The following GLT1D1 variants were observed in gnomAD, a reference collection of about 807,000 sequenced individuals.
GLT1D1 encodes the protein glycosyltransferase 1 domain-containing protein 1.
In GLT1D1, 21 loss-of-function variants were observed where a neutral mutation model predicts 28.7. The ratio of observed to expected loss-of-function variants is 0.73; its 90% confidence interval spans 0.52 to 1.05. The LOEUF is 1.05. GLT1D1 is among the 50% of genes least tolerant of loss of function. GLT1D1 has a pLI of 0.00. For synonymous variants in GLT1D1, 147 were observed against 124.8 expected, an observed-to-expected ratio of 1.18 and a Z score of -1.19; for missense variants, 343 against 330.6, an observed-to-expected ratio of 1.04 and a Z score of -0.29.
rs1593171181 is a variant in GLT1D1 at position 128,945,206 on chromosome 12, T to C, written c.376-120T>C. ...CGCAGCAGCCGCGAGGACACCCCCGTGGCCGCAGACCGAGGCCCACGCCGC... is the reference window on the plus strand; with the variant it reads ...CGCAGCAGCCGCGAGGACACCCCCGCGGCCGCAGACCGAGGCCCACGCCGC... On this transcript the variant is annotated intron_variant, in intron 4 of 7. Coordinates refer to ENST00000281703, the MANE Select transcript of GLT1D1 (RefSeq NM_144669.3). 8.0e-6 allele frequency: 8 copies of C among 998,102 alleles called. No homozygotes were observed. In the East Asian group the frequency reaches 1.9e-4, roughly 24 times the overall value. 61.8% of individuals were successfully genotyped at this position (998,102 alleles called of 1,614,324 possible). A position where few individuals can be genotyped will look rare whatever the true frequency, so the allele number is the denominator to read the frequency against.
chr12:128,933,257 A>G (rs942861001), intron 4 of GLT1D1, among the ~76,000 whole-genome samples: 1 of 152,282 alleles, frequency 6.6e-6, no homozygotes, highest in African/African-American at 2.4e-5. Context: ...CAGGGTGCGG[A>G]AGCGATGCGG....
At chr12:128,901,769 A>T (rs971310754) in intron 4 of GLT1D1, among the ~76,000 whole-genome samples, 8 of 149,914 alleles carry the variant, frequency 5.3e-5, no homozygotes, top group Middle Eastern at 3.2e-3. Context: ...TTTTTTTGAG[A>T]CGGGCTCTCA....
rs191911292 is a variant in GLT1D1 at position 128,973,669 on chromosome 12, C to A, written c.640-9260C>A. ...TCTTCCCTCCCTTTTCTGCCTCTCA[C>A]CTTCTTCTTTCCTTCAAGATGCCCA... On this transcript the variant is annotated intron_variant, in intron 7 of 7. Coordinates refer to ENST00000281703, the MANE Select transcript of GLT1D1 (RefSeq NM_144669.3). 2.6e-5 allele frequency among the ~76,000 whole-genome samples: 4 copies of A among 152,152 alleles called. No individual in the cohort carries two copies. In the East Asian group the frequency reaches 5.8e-4, roughly 22 times the overall value.
At chr12:128,964,847 C>T (rs1878304969) in intron 7 of GLT1D1, among the ~76,000 whole-genome samples, 1 of 152,130 alleles carries the variant, frequency 6.6e-6, no homozygotes, top group African/African-American at 2.4e-5. Context: ...CAAGATTCCC[C>T]AGGCAGGGAA....
chr12:128,897,011 G>T lies in GLT1D1; in HGVS notation c.324-2225G>T, dbSNP rs1869725988. The stretch of plus-strand genomic sequence containing the variant: ...AAATTTCTCTTCAGAAAGAATATTT[G>T]CATTTTAATTCACCAAGTGGGTGTA... On this transcript the variant is annotated intron_variant, in intron 3 of 7. Coordinates refer to ENST00000281703, the MANE Select transcript of GLT1D1 (RefSeq NM_144669.3). Among the ~76,000 whole-genome samples, 3 of 152,238 alleles carry T rather than the reference G, an allele frequency of 2.0e-5. No homozygotes were observed. The South Asian group carries it at 6.2e-4, about 32-fold the overall frequency.
intron 7 of GLT1D1, among the ~76,000 whole-genome samples, chr12:128,960,763 T>TAA (rs113496068): frequency 0.046 from 6,781 of 147,150 alleles, 480 homozygotes; most frequent in African/African-American, 0.16. Context: ...GCTGGGTATC[T>TAA]AAAAAAAAAA....
intron 4 of GLT1D1, among the ~76,000 whole-genome samples, chr12:128,923,487 C>T (rs1872854121): frequency 6.6e-6 from 1 of 151,850 alleles, no homozygotes; most frequent in Non-Finnish European, 1.5e-5. Context: ...TTTCCTGTAT[C>T]TGCAGATGTC....
At chr12:128,950,862 T>A (rs926811605) in intron 6 of GLT1D1, among the ~76,000 whole-genome samples, 3 of 152,112 alleles carry the variant, frequency 2.0e-5, no homozygotes, top group Admixed American at 6.5e-5. Context: ...GAGAGTAGAA[T>A]GGTGTGTAGC....
At chr12:128,952,469 CT>C (rs1555218596) in intron 6 of GLT1D1, among the ~76,000 whole-genome samples, 335 of 120,614 alleles carry the variant, frequency 2.8e-3, no homozygotes, top group Non-Finnish European at 4.5e-3. Flanking sequence ...AAATTTCTTT[CT>C]TTTTTTTTTT....
chr12:128,931,917 G>GCACGCGCGCACACACACACACA (rs1368012620), intron 4 of GLT1D1, among the ~76,000 whole-genome samples: 13 of 141,104 alleles, frequency 9.2e-5, no homozygotes, highest in East Asian at 2.2e-4. Context: ...ACACACGCAC[G>GCACGCGCGCACACACACACACA]CACACACACA....
chr12:128,932,776 G>A (rs1007056137), intron 4 of GLT1D1, among the ~76,000 whole-genome samples: 2 of 151,684 alleles, frequency 1.3e-5, no homozygotes, highest in African/African-American at 4.8e-5. Context: ...AAGGCTCTGG[G>A]CACGACCCTG....
At chr12:128,936,626 G>T (rs773833160) in intron 4 of GLT1D1, among the ~76,000 whole-genome samples, 154 of 152,112 alleles carry the variant, frequency 1.0e-3, no homozygotes, top group Non-Finnish European at 1.8e-3. Context: ...ATCATATGTG[G>T]GTGCATTTTC....
intron 4 of GLT1D1, among the ~76,000 whole-genome samples, chr12:128,938,934 A>G (rs1874835553): frequency 6.6e-6 from 1 of 152,178 alleles, no homozygotes; most frequent in African/African-American, 2.4e-5. Flanking sequence ...TTGCTGTTGG[A>G]TGAGCCAGAT....
At chr12:128,888,492 C>G in intron 2 of GLT1D1, 147 bp from the exon 3 acceptor site, 1 of 609,712 alleles carries the variant, frequency 1.6e-6, no homozygotes, top group South Asian at 2.0e-5. Flanking sequence ...ATTCTGCTAT[C>G]CAGGAGAGGT....
chr12:128,953,074 G>A (rs548683669), intron 6 of GLT1D1, among the ~76,000 whole-genome samples: 1 of 151,552 alleles, frequency 6.6e-6, no homozygotes, highest in African/African-American at 2.4e-5. Flanking sequence ...GAGCCACCAC[G>A]CCTGGCCCAT....
intron 1 of GLT1D1, among the ~76,000 whole-genome samples, chr12:128,872,037 C>T (rs905219246): frequency 1.3e-4 from 20 of 152,036 alleles, no homozygotes; most frequent in Admixed American, 2.6e-4. Context: ...CTGCAGTCTC[C>T]GCCTCCCGGG....
At chr12:128,899,113 T>G in intron 3 of GLT1D1, 123 bp from the exon 4 acceptor site, 1 of 717,578 alleles carries the variant, frequency 1.4e-6, no homozygotes. Context: ...GTAATAAAGA[T>G]TGATTGCATT....
chr12:128,917,252 C>T (rs1190280647), intron 4 of GLT1D1, among the ~76,000 whole-genome samples: 1 of 152,030 alleles, frequency 6.6e-6, no homozygotes, highest in Non-Finnish European at 1.5e-5. Flanking sequence ...TAGTGTTAGT[C>T]AATAACTTTG....
intron 7 of GLT1D1, among the ~76,000 whole-genome samples, chr12:128,977,685 C>A (rs993762438): frequency 2.0e-5 from 3 of 151,968 alleles, no homozygotes; most frequent in Non-Finnish European, 4.4e-5. Context: ...TTTAAACTCT[C>A]TTGAGAGATG....
Sources: gnomAD v4.1 joint callset for allele counts (sites outside exome capture counted in the v4.1 genomes callset) on GRCh38, gnomAD v4.1.1 for gene constraint, MANE v1.5 for transcripts, NCBI Gene and HGNC (gene_info 2026-07-23, HGNC 2026-07-21) for gene names.